The following TRIQK variants were observed in gnomAD, a reference collection of about 807,000 sequenced individuals.
TRIQK encodes the protein triple QxxK/R motif containing.
TRIQK carries 10 observed loss-of-function variants against 10.8 expected under a neutral mutation model. The observed-to-expected ratio is 0.92, with a 90% confidence interval of 0.57 to 1.57. The LOEUF (loss-of-function observed/expected upper bound fraction) is 1.57. Among genes scored for constraint, TRIQK ranks in the 40% most tolerant of loss-of-function variants. The pLI is 0.00. For missense variants in TRIQK, 107 were observed against 97.7 expected, an observed-to-expected ratio of 1.09 and a Z score of -0.40; for synonymous variants, 33 against 33.7, an observed-to-expected ratio of 0.98 and a Z score of 0.07.
At chr8:92,964,779 C>T (rs1231360456) in intron 1 of TRIQK, 1 of 152,018 alleles carries the variant, frequency 6.6e-6, no homozygotes, top group African/African-American at 2.4e-5. Context: ...ACCAATTATT[C>T]CTCCTTTTTT....
At chr8:93,001,229 C>A (rs1027322463) in intron 1 of TRIQK, among the ~76,000 whole-genome samples, 2 of 151,446 alleles carry the variant, frequency 1.3e-5, no homozygotes, top group Admixed American at 6.6e-5. Context: ...ATGGTGTGAA[C>A]CCAGGAGGTA....
chr8:92,943,260 C>T (rs1487271823), intron 2 of TRIQK, among the ~76,000 whole-genome samples: 2 of 152,110 alleles, frequency 1.3e-5, no homozygotes, highest in South Asian at 2.1e-4. Context: ...AAATCATCTA[C>T]AGATTCAATG....
intron 1 of TRIQK, among the ~76,000 whole-genome samples, chr8:93,004,637 A>G (rs1381332618): frequency 5.3e-5 from 8 of 152,180 alleles, no homozygotes; most frequent in African/African-American, 1.7e-4. Flanking sequence ...CCTTTTCAAT[A>G]TAAGTTCTTG....
chr8:92,905,695 C>G lies in TRIQK; in HGVS notation c.61+11234G>C, dbSNP rs1448752988. ...CCAGTAGATTGCTGTGACAGATACT[C>G]TATCTCTTGGAGTCTATGACATGGT... On this transcript the variant is annotated intron_variant, in intron 3 of 4. Transcript: ENST00000521988. Among the ~76,000 whole-genome samples the G allele has an allele frequency of 2.0e-5, 3 of 152,154 alleles. No individual in the cohort carries two copies. In the East Asian group the frequency reaches 5.8e-4, roughly 29 times the overall value.
At chr8:92,914,398 A>C (rs2130441061) in intron 3 of TRIQK, among the ~76,000 whole-genome samples, 1 of 152,326 alleles carries the variant, frequency 6.6e-6, no homozygotes, top group Middle Eastern at 3.4e-3. Context: ...AAATTAAACT[A>C]AAAATCTTCT....
intron 3 of TRIQK, among the ~76,000 whole-genome samples, chr8:92,892,836 G>T (rs921003432): frequency 6.6e-6 from 1 of 151,694 alleles, no homozygotes; most frequent in African/African-American, 2.4e-5. Flanking sequence ...GGAGAATATA[G>T]GTTTAACAAC....
At chr8:92,958,890 T>C (rs562647030) in intron 1 of TRIQK, among the ~76,000 whole-genome samples, 2 of 152,090 alleles carry the variant, frequency 1.3e-5, no homozygotes, top group African/African-American at 2.4e-5. Flanking sequence ...GTGCCTCATG[T>C]GCACCTCTGC....
chr8:92,949,192 G>A (rs1371868164), intron 2 of TRIQK, among the ~76,000 whole-genome samples: 3 of 152,100 alleles, frequency 2.0e-5, no homozygotes, highest in South Asian at 4.1e-4. Context: ...AATTAAACTT[G>A]TTAAATTTAA....
At chr8:92,989,804 G>T (rs1813079097) in intron 1 of TRIQK, among the ~76,000 whole-genome samples, 2 of 152,114 alleles carry the variant, frequency 1.3e-5, no homozygotes, top group African/African-American at 4.8e-5. Flanking sequence ...GTGCCAAAAA[G>T]ATTGGGACCA....
At chr8:92,967,441 C>G (rs1229408615), upstream of TRIQK, among the ~76,000 whole-genome samples, 1 of 152,172 alleles carries the variant, frequency 6.6e-6, no homozygotes, top group Non-Finnish European at 1.5e-5. Flanking sequence ...CCAAATTCTT[C>G]TGAAAGCTTG....
At chr8:92,985,707 G>A (rs1050160972) in intron 1 of TRIQK, among the ~76,000 whole-genome samples, 2 of 152,108 alleles carry the variant, frequency 1.3e-5, no homozygotes, top group Non-Finnish European at 2.9e-5. Flanking sequence ...GTAATAAAAT[G>A]TTTGTAAAAT....
chr8:92,924,241 C>T (rs759758869), intron 2 of TRIQK, among the ~76,000 whole-genome samples: 3 of 151,942 alleles, frequency 2.0e-5, no homozygotes, highest in Non-Finnish European at 4.4e-5. Context: ...TCTTATCACA[C>T]ATTAACCATT....
chr8:92,883,631 C>A lies in TRIQK; in HGVS notation c.*2991G>T, dbSNP rs575455808. Reference sequence around the variant, plus strand: ...AGACTCTGAGAGGACTAAAAGGCATCAACTTAAATTTTAACATGCATTTAT... The same window carrying A: ...AGACTCTGAGAGGACTAAAAGGCATAAACTTAAATTTTAACATGCATTTAT... On this transcript the variant is annotated 3_prime_UTR_variant, in exon 5 of 5. Coordinates refer to ENST00000521988, the MANE Select transcript of TRIQK (RefSeq NM_001171797.2). 2.6e-5 allele frequency: 4 copies of A among 151,754 alleles called. No individual in the cohort carries two copies. In the South Asian group the frequency reaches 8.3e-4, roughly 31 times the overall value. The allele number at this position is 151,754 out of a possible 1,614,324, so 9.4% of individuals were successfully genotyped here. A position where few individuals can be genotyped will look rare whatever the true frequency, so the allele number is the denominator to read the frequency against.
chr8:92,957,596 A>G (rs983201221), intron 1 of TRIQK, among the ~76,000 whole-genome samples: 1 of 151,942 alleles, frequency 6.6e-6, no homozygotes, highest in Non-Finnish European at 1.5e-5. Context: ...GGTTTTAAAT[A>G]TCTAAGCAAA....
At chr8:92,902,775 A>G (rs1011741693) in intron 3 of TRIQK, among the ~76,000 whole-genome samples, 22 of 152,018 alleles carry the variant, frequency 1.4e-4, no homozygotes, top group South Asian at 4.1e-4. Flanking sequence ...AACTATTGAT[A>G]TGTTTTCATT....
chr8:92,937,792 A>G (rs1456080579), intron 2 of TRIQK, among the ~76,000 whole-genome samples: 6 of 151,790 alleles, frequency 4.0e-5, no homozygotes, highest in Non-Finnish European at 7.4e-5. Flanking sequence ...TAAACTTCCA[A>G]TCTCAACCCT....
intron 2 of TRIQK, among the ~76,000 whole-genome samples, chr8:92,943,812 C>T (rs561751213): frequency 1.3e-5 from 2 of 152,092 alleles, no homozygotes; most frequent in East Asian, 1.9e-4. Flanking sequence ...CCCAAAAGCA[C>T]AGGCAACAAA....
intron 2 of TRIQK, among the ~76,000 whole-genome samples, chr8:92,919,221 T>G (rs940319621): frequency 6.6e-6 from 1 of 151,952 alleles, no homozygotes; most frequent in African/African-American, 2.4e-5. Flanking sequence ...TGGGGTTCCA[T>G]GTGAATTTTA....
intron 3 of TRIQK, among the ~76,000 whole-genome samples, chr8:92,894,229 C>T (rs533339846): frequency 1.3e-5 from 2 of 151,950 alleles, no homozygotes; most frequent in Non-Finnish European, 2.9e-5. Context: ...CTATGATATC[C>T]AAAAGTGTAT....
Sources: allele counts gnomAD v4.1 joint callset (sites outside exome capture counted in the v4.1 genomes callset), GRCh38; gene constraint gnomAD v4.1.1; transcripts MANE v1.5; gene names NCBI Gene and HGNC (gene_info 2026-07-23, HGNC 2026-07-21).